The following KIAA0319L variants were observed in gnomAD, a reference collection of about 807,000 sequenced individuals.
KIAA0319L encodes dyslexia-associated protein KIAA0319-like protein.
Under a neutral mutation model 120.1 loss-of-function variants are expected in KIAA0319L, and 55 were observed. The observed-to-expected ratio is 0.46, with a 90% CI of 0.37 to 0.57. KIAA0319L has a LOEUF of 0.57. Among genes scored for constraint, KIAA0319L ranks in the 20% least tolerant of loss-of-function variants. The pLI is 0.00. For synonymous variants in KIAA0319L, 398 were observed against 471.9 expected (o/e 0.84, Z 2.03); for missense variants, 1,049 against 1,255.3 (o/e 0.84, Z 2.48).
At chr1:35,456,891 G>A (rs1170114408) in intron 9 of KIAA0319L, among the ~76,000 whole-genome samples, 2 of 136,064 alleles carry the variant, frequency 1.5e-5, no homozygotes, top group Admixed American at 7.5e-5. Flanking sequence ...AGGGAGGGAG[G>A]GAGGGAGGGA....
intron 20 of KIAA0319L, among the ~76,000 whole-genome samples, chr1:35,436,652 T>C (rs528123484): frequency 6.6e-6 from 1 of 151,914 alleles, no homozygotes; most frequent in Admixed American, 6.6e-5. Context: ...AAAAAATCAA[T>C]AGAAAACAAA....
chr1:35,523,234 C>T (rs1360020970), intron 2 of KIAA0319L, among the ~76,000 whole-genome samples: 31 of 152,044 alleles, frequency 2.0e-4, no homozygotes, highest in Non-Finnish European at 8.8e-5. Context: ...GTTAACTCCT[C>T]ACATGAGGTT....
intron 13 of KIAA0319L, 110 bp from the exon 14 acceptor site, chr1:35,450,619 C>A (rs909971131): frequency 9.3e-7 from 1 of 1,070,368 alleles, no homozygotes; most frequent in Non-Finnish European, 1.4e-6. Context: ...AACTGGAGAA[C>A]CTTTTTAAGT....
chr1:35,462,794 A>G, intron 7 of KIAA0319L, 81 bp from the exon 8 acceptor site: 2 of 1,116,172 alleles, frequency 1.8e-6, no homozygotes, highest in Non-Finnish European at 2.7e-6. Flanking sequence ...AGGATTATAA[A>G]TCAATTTCCA....
At position 35,516,449 on chromosome 1, in the gene KIAA0319L, C is replaced by T. The variant is rs147048787; in HGVS notation, c.143-9314G>A. Among the ~76,000 whole-genome samples the T allele has an allele frequency of 4.3e-3, 656 of 152,252 alleles. 3 individuals are homozygous for T. The highest frequency in any genetic ancestry group is 5.3e-3 in the Non-Finnish European group (363 of 68,018). On this transcript the variant is annotated intron_variant, in intron 2 of 20. Coordinates refer to ENST00000325722, the MANE Select transcript of KIAA0319L (RefSeq NM_024874.5). The stretch of plus-strand genomic sequence containing the variant: ...ACATAAAAAGAACTAAAGACAAAAA[C>T]CACAGGATTATCTCAATAGGTACAG...
At chr1:35,537,244 G>A (rs1156573700) in intron 2 of KIAA0319L, among the ~76,000 whole-genome samples, 1 of 152,094 alleles carries the variant, frequency 6.6e-6, no homozygotes, top group African/African-American at 2.4e-5. Context: ...GCAGTTGATT[G>A]CCATTTCTCA....
chr1:35,465,757 C>G (rs199953651), intron 7 of KIAA0319L, among the ~76,000 whole-genome samples: 1 of 152,060 alleles, frequency 6.6e-6, no homozygotes, highest in East Asian at 1.9e-4. Flanking sequence ...GTGGGAGGAA[C>G]CCAGTGGGAG....
chr1:35,552,674 A>G (rs564081996), intron 2 of KIAA0319L, among the ~76,000 whole-genome samples: 39 of 152,208 alleles, frequency 2.6e-4, no homozygotes, highest in Non-Finnish European at 5.4e-4. Flanking sequence ...GGTGTCTGCA[A>G]TCCCAGCTAT....
chr1:35,468,425 T>A (rs1558373870), intron 6 of KIAA0319L, among the ~76,000 whole-genome samples: 1 of 152,200 alleles, frequency 6.6e-6, no homozygotes, highest in Non-Finnish European at 1.5e-5. Context: ...CTATTTGAGG[T>A]TGATGTGCAA....
rs190967979 is a variant in KIAA0319L, at chr1:35,545,593, G to A, written c.142+8757C>T. On this transcript the variant is annotated intron_variant, in intron 2 of 20. Coordinates refer to ENST00000325722, the MANE Select transcript of KIAA0319L (RefSeq NM_024874.5). ...AGAAATGTGAGATGAACTGTGACAT[G>A]CATGTGAAGGACAGAAAAGAATAGA... 3.9e-5 allele frequency among the ~76,000 whole-genome samples: 6 copies of A among 152,296 alleles called. No homozygotes were observed. The East Asian group carries it at 1.2e-3, about 29-fold the overall frequency.
In KIAA0319L at chr1:35,434,627, G is replaced by A. The variant is rs1183475133; in HGVS notation, c.*267C>T. On this transcript the variant is annotated 3_prime_UTR_variant, in exon 21 of 21. Transcript: ENST00000325722. ...CTGGCTGGGTCTGCCCTCGGGGGAG[G>A]GGAGGAGTTTGCAAAAAAAGGAGGC... 1.8e-5 allele frequency: 8 copies of A among 444,858 alleles called. No individual in the cohort carries two copies. The highest frequency in any genetic ancestry group is 6.5e-5 in the South Asian group (2 of 30,994). 27.6% of individuals were successfully genotyped at this position (444,858 alleles called of 1,614,324 possible).
intron 16 of KIAA0319L, among the ~76,000 whole-genome samples, chr1:35,445,037 C>T (rs915709918): frequency 6.6e-6 from 1 of 152,100 alleles, no homozygotes; most frequent in African/African-American, 2.4e-5. Flanking sequence ...CAATTAGAAC[C>T]TTCTAAATCA....
chr1:35,435,950 C>T lies in KIAA0319L; in HGVS notation c.2963-869G>A, dbSNP rs373472469. 5.9e-5 allele frequency among the ~76,000 whole-genome samples: 9 copies of T among 152,170 alleles called. No homozygotes were observed. In the East Asian group the frequency reaches 9.6e-4, roughly 16 times the overall value. On this transcript the variant is annotated intron_variant, in intron 20 of 20. Transcript: ENST00000325722. ...GTGGGAGCTGCCAACAGGTGGCACCCCCTCAGCAGTGTTCTGGGTCCTGGG... is the reference window on the plus strand; with the variant it reads ...GTGGGAGCTGCCAACAGGTGGCACCTCCTCAGCAGTGTTCTGGGTCCTGGG...
intron 2 of KIAA0319L, among the ~76,000 whole-genome samples, chr1:35,512,478 A>G (rs1182377457): frequency 6.6e-6 from 1 of 152,102 alleles, no homozygotes; most frequent in Non-Finnish European, 1.5e-5. Context: ...CAAGGAAACA[A>G]AAGCCTAGTT....
At chr1:35,551,711 A>G (rs1018684616) in intron 2 of KIAA0319L, among the ~76,000 whole-genome samples, 3 of 152,122 alleles carry the variant, frequency 2.0e-5, no homozygotes, top group Non-Finnish European at 2.9e-5. Flanking sequence ...TGTCTGTCAC[A>G]TGTTGCTTGC....
chr1:35,486,998 A>G (rs1207267573), intron 3 of KIAA0319L, among the ~76,000 whole-genome samples: 1 of 152,206 alleles, frequency 6.6e-6, no homozygotes, highest in Non-Finnish European at 1.5e-5. Context: ...CCAACATCTG[A>G]GTCAACTTGG....
chr1:35,450,082 A>G (rs1558296665), intron 14 of KIAA0319L, 77 bp from the exon 15 acceptor site: 2 of 1,551,808 alleles, frequency 1.3e-6, no homozygotes, highest in Non-Finnish European at 8.9e-7. Flanking sequence ...TGCTTTCACC[A>G]TAACTAGGCC....
intron 2 of KIAA0319L, among the ~76,000 whole-genome samples, chr1:35,522,179 T>C (rs1645949240): frequency 1.3e-5 from 2 of 152,120 alleles, no homozygotes; most frequent in African/African-American, 4.8e-5. Flanking sequence ...TAGGCTATTT[T>C]TGGAAGAATA....
intron 2 of KIAA0319L, among the ~76,000 whole-genome samples, chr1:35,507,439 CAAAAAA>C (rs1241505707): frequency 1.3e-5 from 2 of 151,818 alleles, no homozygotes; most frequent in Non-Finnish European, 2.9e-5. Context: ...AAAACAAAAA[CAAAAAA>C]AGAGGTATTC....
Sources: gnomAD v4.1 joint callset for allele counts (sites outside exome capture counted in the v4.1 genomes callset) on GRCh38, gnomAD v4.1.1 for gene constraint, MANE v1.5 for transcripts, NCBI Gene and HGNC (gene_info 2026-07-23, HGNC 2026-07-21) for gene names.